The following CYGB variants were observed in gnomAD, a reference collection of about 807,000 sequenced individuals.
CYGB encodes cytoglobin, also known as histoglobin.
A neutral mutation model predicts 20.7 loss-of-function variants in CYGB; 13 were observed. The observed-to-expected ratio is 0.63, with a 90% CI of 0.41 to 1.00. The LOEUF is 1.00. CYGB is among the 50% of genes least tolerant of loss of function. The pLI is 0.00. For synonymous variants in CYGB, 93 were observed against 107.4 expected, an observed-to-expected ratio of 0.87 and a Z score of 0.83; for missense variants, 218 against 257.2, an observed-to-expected ratio of 0.85 and a Z score of 1.04.
At chr17:76,540,117 T>A, upstream of CYGB, 1 of 1,591,076 alleles carries the variant, frequency 6.3e-7, no homozygotes. The surrounding 1 kb of genome is among the most constrained non-coding windows in gnomAD (Gnocchi z 5.0). Flanking sequence ...AGACTTGGCC[T>A]GGGAGGGGAT....
chr17:76,543,685 C>A, intron 1 of CYGB: 6 of 452,790 alleles, frequency 1.3e-5, no homozygotes, highest in South Asian at 8.0e-5. Flanking sequence ...GGTTTGCTGG[C>A]CTGGCCAACT....
In CYGB at chr17:76,531,290, G is replaced by A; in HGVS notation, c.376-148C>T. 1.7e-6 allele frequency: 2 copies of A among 1,203,018 alleles called. No homozygotes were observed. The highest frequency in any genetic ancestry group is 2.3e-6 in the Non-Finnish European group (2 of 860,518). 74.5% of individuals were successfully genotyped at this position (1,203,018 alleles called of 1,614,324 possible). On this transcript the variant is annotated intron_variant, in intron 2 of 3. Coordinates refer to ENST00000293230, the MANE Select transcript of CYGB (RefSeq NM_134268.5). The surrounding 1 kb of genome is among the most constrained non-coding windows in gnomAD (Gnocchi z 7.4). ...GGGAACCCCGTGCTCTCAGGACAAG[G>A]GTTGCCCTGGACCCAGCCCCTCCAT...
chr17:76,543,910 C>T lies in CYGB; in HGVS notation c.-53+6952G>A, dbSNP rs773379904. 6.0e-4 allele frequency: 281 copies of T among 470,728 alleles called. 3 individuals carry two copies. The highest frequency in any genetic ancestry group is 1.1e-4 in the Non-Finnish European group (26 of 227,070). The allele number at this position is 470,728 out of a possible 1,614,324, so 29.2% of individuals were successfully genotyped here. On this transcript the variant is annotated intron_variant, in intron 1 of 3. Coordinates refer to the CYGB transcript ENST00000589145. ...GCAGCTGGATGGGAGCAACGGACAG[C>T]TTGTCCTCCGAATGTGTTTTCTGTA...
intron 1 of CYGB, among the ~76,000 whole-genome samples, chr17:76,549,767 C>T (rs1410118795): frequency 7.2e-5 from 11 of 152,042 alleles, no homozygotes; most frequent in Admixed American, 7.2e-4. Context: ...CTGATGCCGA[C>T]GACATGGGTA....
At chr17:76,538,198 C>T (rs1359131728), upstream of CYGB, 1 of 158,482 alleles carries the variant, frequency 6.3e-6, no homozygotes, top group African/African-American at 2.4e-5. Flanking sequence ...CGAACAGGAG[C>T]CCCTCCGGCG....
intron 1 of CYGB, chr17:76,542,971 G>A (rs1049317882): frequency 1.8e-5 from 9 of 501,368 alleles, no homozygotes; most frequent in Non-Finnish European, 2.4e-5. Context: ...ACTCTGAAAT[G>A]CGAGTCCCAT....
Position 76,531,456 on chromosome 17 carries a change from A to T in CYGB, c.375+4T>A. ...GGGGCTCTGCAGCAGATGGGGGCGC[A>T]TACCTTGAAGTACACCGGTTCCACC... On this transcript the variant is annotated splice_donor_region_variant and intron_variant, in intron 2 of 3. Coordinates refer to ENST00000293230, the MANE Select transcript of CYGB (RefSeq NM_134268.5). The surrounding 1 kb of genome is among the most constrained non-coding windows in gnomAD (Gnocchi z 7.4). The T allele has an allele frequency of 6.2e-7, 1 of 1,601,216 alleles. No homozygotes were observed. Among genetic ancestry groups the T allele is most frequent in the East Asian group, 2.3e-5 (1 of 44,444 alleles).
At chr17:76,540,771 C>T (rs2074982815), upstream of CYGB, among the ~76,000 whole-genome samples, 1 of 152,226 alleles carries the variant, frequency 6.6e-6, no homozygotes, top group Non-Finnish European at 1.5e-5. The surrounding 1 kb of genome is among the most constrained non-coding windows in gnomAD (Gnocchi z 5.0). Flanking sequence ...TGGGAACCCT[C>T]AGCTCGCTCC....
intron 3 of CYGB, chr17:76,529,751 G>T: frequency 1.0e-6 from 1 of 985,332 alleles, no homozygotes; most frequent in Non-Finnish European, 1.2e-6. Flanking sequence ...TGCTCTCCAC[G>T]CCCTGCCAGT....
chr17:76,537,693 G>T lies in CYGB; in HGVS notation c.-151C>A. ...GGAGGGAGGGAGCGTGTGTCTGTGC[G>T]CGCCGGGTGTGTGTGTGTGTGTGCG... On this transcript the variant is annotated 5_prime_UTR_variant, in exon 1 of 4. Transcript: ENST00000293230. 2 of 683,432 alleles carry T rather than the reference G, an allele frequency of 2.9e-6. No individual in the cohort carries two copies. Among genetic ancestry groups the T allele is most frequent in the Non-Finnish European group, 3.6e-6 (2 of 555,284 alleles). 42.3% of individuals were successfully genotyped at this position (683,432 alleles called of 1,614,324 possible). A position where few individuals can be genotyped will look rare whatever the true frequency, so the allele number is the denominator to read the frequency against.
chr17:76,527,416 A>G lies in CYGB; in HGVS notation c.*1162T>C. 8.3e-6 allele frequency: 3 copies of G among 362,958 alleles called. No homozygotes were observed. The highest frequency in any genetic ancestry group is 1.6e-5 in the Non-Finnish European group (3 of 184,040). The allele number at this position is 362,958 out of a possible 1,614,324, so 22.5% of individuals were successfully genotyped here. A position where few individuals can be genotyped will look rare whatever the true frequency, so the allele number is the denominator to read the frequency against. On this transcript the variant is annotated 3_prime_UTR_variant, in exon 4 of 4. Transcript: ENST00000293230. The stretch of plus-strand genomic sequence containing the variant: ...GGTCTGGTTACAAACATCAGAAACT[A>G]GAAAAGGAGGACGGGCGGTTGCACA...
intron 1 of CYGB, among the ~76,000 whole-genome samples, chr17:76,536,993 G>C (rs1344045605): frequency 6.6e-6 from 1 of 152,198 alleles, no homozygotes; most frequent in Non-Finnish European, 1.5e-5. Context: ...GCTCCTCTTT[G>C]TCCCGCTTCT....
At position 76,531,600 on chromosome 17, in the gene CYGB, G is replaced by C; in HGVS notation, c.235C>G (p.Arg79Gly). 1 of 1,613,822 alleles carries C rather than the reference G, an allele frequency of 6.2e-7. No individual in the cohort carries two copies. The highest frequency in any genetic ancestry group is 8.5e-7 in the Non-Finnish European group (1 of 1,179,724). ...CCCATGACTCGGCAGGCGTGCTTCCGCAGCTGGGGGCTCCGCTCCATCTCC... is the reference window on the plus strand; with the variant it reads ...CCCATGACTCGGCAGGCGTGCTTCCCCAGCTGGGGGCTCCGCTCCATCTCC... Reference protein sequence around the residue: ...PLEMERSPQLRKHACRVMGAL... With the variant: ...PLEMERSPQLGKHACRVMGAL... Residue 79 changes from arginine (R) to glycine (G), a missense_variant, in exon 2 of 4, where the codon CGG becomes GGG. Arg to Gly is a moderately radical substitution (Grantham distance 125). Transcript: ENST00000293230. The surrounding 1 kb of genome is among the most constrained non-coding windows in gnomAD (Gnocchi z 7.4).
At chr17:76,549,548 G>A (rs1235061677) in intron 1 of CYGB, among the ~76,000 whole-genome samples, 4 of 152,298 alleles carry the variant, frequency 2.6e-5, no homozygotes. Context: ...CAACCACTTG[G>A]GAAACCAGCA....
rs779752886 is a variant in CYGB, at chr17:76,531,481, C to A, written c.354G>T (p.Lys118Asn). The A allele has an allele frequency of 9.3e-6, 15 of 1,611,546 alleles. No homozygotes were observed. Among genetic ancestry groups the A allele is most frequent in the Admixed American group, 3.3e-5 (2 of 59,980 alleles). ...ATACCTTGAAGTACACCGGTTCCAC[C>A]TTGTGCTTGAGGGCGTGGGCTTTCC... ...LVGKAHALKH[K>N]VEPVYFKILS... Residue 118 changes from lysine to asparagine, a missense_variant, in exon 2 of 4, where the codon AAG (lysine) becomes AAT (asparagine). This residue lies in a region of CYGB where 66 missense variants were observed against 107.4 expected (regional missense o/e 0.61). Coordinates refer to ENST00000293230, the MANE Select transcript of CYGB (RefSeq NM_134268.5). The surrounding 1 kb of genome is among the most constrained non-coding windows in gnomAD (Gnocchi z 7.4).
Position 76,530,902 on chromosome 17 carries a change from G to GGA in CYGB, c.539+75_539+76dup, listed in dbSNP as rs1217300272. 2 of 1,458,252 alleles carry GGA rather than the reference G, an allele frequency of 1.4e-6. No individual in the cohort carries two copies. Among genetic ancestry groups the GGA allele is most frequent in the Non-Finnish European group, 1.8e-6 (2 of 1,091,456 alleles). The allele number at this position is 1,458,252 out of a possible 1,614,324, so 90.3% of individuals were successfully genotyped here. A position where few individuals can be genotyped will look rare whatever the true frequency, so the allele number is the denominator to read the frequency against. On this transcript the variant is annotated intron_variant, in intron 3 of 3. Transcript: ENST00000293230. The surrounding 1 kb of genome is among the most constrained non-coding windows in gnomAD (Gnocchi z 6.1). ...CCAGGTGATCAGCCCCAGGGCCTCA[G>GGA]GAGATATGGGAGACCTCGGGGACAG...
intron 1 of CYGB, among the ~76,000 whole-genome samples, chr17:76,534,662 A>C (rs920339455): frequency 6.6e-6 from 1 of 152,202 alleles, no homozygotes; most frequent in Non-Finnish European, 1.5e-5. Flanking sequence ...AAGATTGCCC[A>C]ACAAAGTAGA....
Position 76,528,725 on chromosome 17 carries a change from G to A in CYGB, c.540-114C>T. On this transcript the variant is annotated intron_variant, in intron 3 of 3. Transcript: ENST00000293230. The surrounding 1 kb of genome is among the most constrained non-coding windows in gnomAD (Gnocchi z 5.8). ...GGCTCACTTCCTGCCAAGAGATCCG[G>A]CACAGTGCAGTTGAAAGCAACCGTG... is the stretch of plus-strand genomic sequence containing the variant. The A allele has an allele frequency of 9.1e-7, 1 of 1,097,002 alleles. No homozygotes were observed. 68.0% of individuals were successfully genotyped at this position (1,097,002 alleles called of 1,614,324 possible).
At chr17:76,532,334 C>T (rs2074854891) in intron 1 of CYGB, among the ~76,000 whole-genome samples, 1 of 152,120 alleles carries the variant, frequency 6.6e-6, no homozygotes, top group Admixed American at 6.5e-5. Flanking sequence ...CTTTCTACTA[C>T]CCTTTTCCTG....
Sources: allele counts gnomAD v4.1 joint callset (sites outside exome capture counted in the v4.1 genomes callset), GRCh38; gene constraint gnomAD v4.1.1; regional missense constraint gnomAD v4.1.1; non-coding constraint Gnocchi (gnomAD v3.1); transcripts MANE v1.5; gene names NCBI Gene and HGNC (gene_info 2026-07-23, HGNC 2026-07-21).